The following NRG1 variants were observed in gnomAD, a reference collection of about 807,000 sequenced individuals.
The protein encoded by NRG1 is pro-neuregulin-1, membrane-bound isoform.
NRG1 carries 18 observed loss-of-function variants against 63.8 expected under a neutral mutation model. The ratio of observed to expected loss-of-function variants is 0.28; its 90% confidence interval spans 0.19 to 0.42. The LOEUF (loss-of-function observed/expected upper bound fraction) is 0.42, where lower values mean the gene tolerates loss of function less well. Among genes scored for constraint, NRG1 ranks in the 10% least tolerant of loss-of-function variants. The pLI is 1.00. For missense variants in NRG1, 762 were observed against 814.7 expected (o/e 0.94, Z 0.79); for synonymous variants, 302 against 301.3 (o/e 1.00, Z -0.02).
At chr8:31,840,486 T>C (rs1826096997) in intron 1 of NRG1, among the ~76,000 whole-genome samples, 1 of 151,726 alleles carries the variant, frequency 6.6e-6, no homozygotes, top group Non-Finnish European at 1.5e-5. Context: ...GGACCCTGCC[T>C]TTGTCTCTCA....
At chr8:31,920,758 C>A (rs965384919) in intron 1 of NRG1, among the ~76,000 whole-genome samples, 5 of 151,962 alleles carry the variant, frequency 3.3e-5, no homozygotes, top group Admixed American at 6.6e-5. Context: ...TGTGAGGATA[C>A]TCTAAGATAA....
intron 1 of NRG1, among the ~76,000 whole-genome samples, chr8:32,383,275 C>T (rs182901463): frequency 2.6e-5 from 4 of 152,218 alleles, no homozygotes; most frequent in African/African-American, 9.6e-5. Context: ...TCTTTCCTTT[C>T]ATGTCAGAGA....
chr8:32,748,826 A>AACTT, intron 7 of NRG1: 3 of 356,518 alleles, frequency 8.4e-6, no homozygotes, highest in South Asian at 4.1e-5. Flanking sequence ...TGCCATACAG[A>AACTT]ACTTATATGA....
At chr8:31,967,025 G>A (rs879533128) in intron 1 of NRG1, among the ~76,000 whole-genome samples, 2 of 151,906 alleles carry the variant, frequency 1.3e-5, no homozygotes, top group African/African-American at 2.4e-5. Context: ...GTTTTGTTTG[G>A]GATCATATTA....
chr8:32,054,341 C>A, intron 1 of NRG1, among the ~76,000 whole-genome samples: 1 of 152,010 alleles, frequency 6.6e-6, no homozygotes, highest in Non-Finnish European at 1.5e-5. Context: ...TCTTTGTATC[C>A]CCAAGGGTGT....
chr8:32,274,869 A>T lies in NRG1; in HGVS notation c.38-320959A>T, dbSNP rs149923183. ...GATTAATGTCTCTCTGGGAAAAAAA[A>T]ATCCCATGCATTTTGGAAAGTCTGG... On this transcript the variant is annotated intron_variant, in intron 1 of 10. Transcript: ENST00000519301. Among the ~76,000 whole-genome samples, 335 of 152,298 alleles carry T rather than the reference A, an allele frequency of 2.2e-3. 1 individual carries two copies. The highest frequency in any genetic ancestry group is 7.6e-3 in the African/African-American group (318 of 41,570).
At chr8:32,310,032 G>C (rs533472819) in intron 1 of NRG1, among the ~76,000 whole-genome samples, 1 of 152,150 alleles carries the variant, frequency 6.6e-6, no homozygotes, top group African/African-American at 2.4e-5. Context: ...TCCCACAAGC[G>C]CGTGGCAGAG....
At chr8:32,610,116 AT>A (rs551182344) in intron 3 of NRG1, among the ~76,000 whole-genome samples, 69 of 152,058 alleles carry the variant, frequency 4.5e-4, no homozygotes, top group African/African-American at 1.5e-3. Flanking sequence ...TATTAATTTC[AT>A]TTTTTCACCT....
At chr8:32,198,958 C>T (rs1168092370) in intron 1 of NRG1, among the ~76,000 whole-genome samples, 1 of 151,824 alleles carries the variant, frequency 6.6e-6, no homozygotes, top group Non-Finnish European at 1.5e-5. Flanking sequence ...TCTATCCTTT[C>T]AATATTATGC....
At chr8:32,433,224 G>A (rs996820445) in intron 1 of NRG1, among the ~76,000 whole-genome samples, 13 of 152,164 alleles carry the variant, frequency 8.5e-5, no homozygotes, top group Non-Finnish European at 1.6e-4. Context: ...AACAAGTGAT[G>A]AGACATCAGG....
chr8:32,012,206 C>T (rs1814868365), intron 1 of NRG1, among the ~76,000 whole-genome samples: 1 of 151,988 alleles, frequency 6.6e-6, no homozygotes, highest in Non-Finnish European at 1.5e-5. Context: ...CAGTTAGTCC[C>T]TTATTTTTGT....
intron 1 of NRG1, among the ~76,000 whole-genome samples, chr8:32,358,174 G>A (rs1806706459): frequency 6.6e-6 from 1 of 152,028 alleles, no homozygotes; most frequent in Non-Finnish European, 1.5e-5. Context: ...AGCAATCCTG[G>A]ACTATGAGGT....
rs1825642186 is a variant in NRG1 at position 32,484,138 on chromosome 8, A to G, written c.38-111690A>G. On this transcript the variant is annotated intron_variant, in intron 1 of 10. Coordinates refer to the NRG1 transcript ENST00000519301. ...AAAAGAAAGTTTGGGCAAAACCTAG[A>G]GTTTCAGGGAAAGTCATTTGAGGTT... Among the ~76,000 whole-genome samples, 7 of 151,452 alleles carry G rather than the reference A, an allele frequency of 4.6e-5. No homozygotes were observed. In the South Asian group the frequency reaches 1.5e-3, roughly 32 times the overall value.
chr8:32,121,207 A>C (rs191988403), intron 1 of NRG1, among the ~76,000 whole-genome samples: 1 of 152,138 alleles, frequency 6.6e-6, no homozygotes, highest in African/African-American at 2.4e-5. Flanking sequence ...GTTTACAGCT[A>C]AGGTTTTTGT....
At chr8:31,948,144 TAA>T (rs1332380673) in intron 1 of NRG1, among the ~76,000 whole-genome samples, 3 of 152,146 alleles carry the variant, frequency 2.0e-5, no homozygotes, top group South Asian at 2.1e-4. Context: ...TATCTATAAA[TAA>T]AAGTTATTTA....
At chr8:31,992,225 A>G (rs762906243) in intron 1 of NRG1, among the ~76,000 whole-genome samples, 4 of 152,052 alleles carry the variant, frequency 2.6e-5, no homozygotes, top group Non-Finnish European at 4.4e-5. Context: ...AGAAAGAAAC[A>G]GAAAATGGGA....
At chr8:32,106,365 G>A (rs945521906) in intron 1 of NRG1, among the ~76,000 whole-genome samples, 1 of 152,192 alleles carries the variant, frequency 6.6e-6, no homozygotes, top group African/African-American at 2.4e-5. Flanking sequence ...CAGTTAAAAT[G>A]TATTTTGATT....
Position 32,368,575 on chromosome 8 carries a change from G to T in NRG1, c.38-227253G>T, listed in dbSNP as rs77331453. ...TTTAAAAACAAACAAACAAAACAAA[G>T]CAAAACAAAAGAAAGTACTTCTATT... On this transcript the variant is annotated intron_variant, in intron 1 of 10. Transcript: ENST00000519301. 8.1e-3 allele frequency among the ~76,000 whole-genome samples: 1,235 copies of T among 152,148 alleles called. 15 individuals are homozygous for T. Among genetic ancestry groups the T allele is most frequent in the African/African-American group, 0.028 (1,150 of 41,504 alleles).
chr8:32,757,288 C>T (rs1367590653), intron 9 of NRG1, among the ~76,000 whole-genome samples: 1 of 152,156 alleles, frequency 6.6e-6, no homozygotes, highest in African/African-American at 2.4e-5. Flanking sequence ...GCCAGAGCCG[C>T]ACCATCTCTT....
Sources: allele counts gnomAD v4.1 joint callset (sites outside exome capture counted in the v4.1 genomes callset), GRCh38; gene constraint gnomAD v4.1.1; transcripts MANE v1.5; gene names NCBI Gene and HGNC (gene_info 2026-07-23, HGNC 2026-07-21).